KCNH5: variants seen among roughly 807,000 people sequenced by gnomAD.
KCNH5 encodes the protein voltage-gated delayed rectifier potassium channel KCNH5.
KCNH5 carries 46 observed loss-of-function variants against 96.1 expected under a neutral mutation model. The observed-to-expected ratio is 0.48, with a 90% CI of 0.38 to 0.61. The LOEUF (loss-of-function observed/expected upper bound fraction) is 0.61, where lower values mean the gene tolerates loss of function less well. Among genes scored for constraint, KCNH5 ranks in the 20% least tolerant of loss-of-function variants. The pLI, the probability that KCNH5 is intolerant of heterozygous loss-of-function variation, is 0.00. For synonymous variants in KCNH5, 439 were observed against 449.8 expected (o/e 0.98, Z 0.30); for missense variants, 907 against 1,225.8 (o/e 0.74, Z 3.88).
rs748839859 is a variant in KCNH5, at chr14:63,045,227, AG to A, written c.-42del. The A allele has an allele frequency of 8.9e-5, 132 of 1,481,148 alleles. No individual in the cohort carries two copies. The highest frequency in any genetic ancestry group is 1.8e-4 in the Admixed American group (11 of 59,722). The allele number at this position is 1,481,148 out of a possible 1,614,324, so 91.8% of individuals were successfully genotyped here. A position where few individuals can be genotyped will look rare whatever the true frequency, so the allele number is the denominator to read the frequency against. On this transcript the variant is annotated 5_prime_UTR_variant, in exon 1 of 11. Transcript: ENST00000322893. ...CAGCGGCCAGGATCCGCGGCGGGGG[AG>A]GGGGGGATGCAGGCAAAGAAGGTGG...
At chr14:62,877,425 A>G (rs1888397543) in intron 7 of KCNH5, among the ~76,000 whole-genome samples, 1 of 152,172 alleles carries the variant, frequency 6.6e-6, no homozygotes. Context: ...AAATGGGAGA[A>G]AGTTTTCGCA....
chr14:62,922,814 T>C (rs543568750), intron 7 of KCNH5, among the ~76,000 whole-genome samples: 231 of 152,102 alleles, frequency 1.5e-3, no homozygotes, highest in Non-Finnish European at 2.9e-3. Flanking sequence ...AAAGGCTATA[T>C]ATGGCAAGCC....
At chr14:62,796,733 C>T (rs905044616) in intron 9 of KCNH5, among the ~76,000 whole-genome samples, 6 of 152,068 alleles carry the variant, frequency 3.9e-5, no homozygotes, top group African/African-American at 1.4e-4. Flanking sequence ...GACATGTGCC[C>T]AACATGATCG....
At chr14:62,889,166 A>G (rs1888655073) in intron 7 of KCNH5, among the ~76,000 whole-genome samples, 1 of 152,216 alleles carries the variant, frequency 6.6e-6, no homozygotes, top group African/African-American at 2.4e-5. Flanking sequence ...ACCTGATGAC[A>G]AAGGCTACTC....
chr14:62,918,831 C>T (rs763723268), intron 7 of KCNH5, among the ~76,000 whole-genome samples: 2 of 152,034 alleles, frequency 1.3e-5, no homozygotes, highest in Non-Finnish European at 1.5e-5. Context: ...AAATGCGTAA[C>T]CTTTGTGCCA....
At chr14:62,798,505 T>G (rs1886585102) in intron 9 of KCNH5, among the ~76,000 whole-genome samples, 1 of 152,146 alleles carries the variant, frequency 6.6e-6, no homozygotes, top group Non-Finnish European at 1.5e-5. Flanking sequence ...ATATAAAATA[T>G]TATGTATGCA....
chr14:63,045,031 G>T, intron 1 of KCNH5, 83 bp downstream of exon 1: 1 of 1,110,604 alleles, frequency 9.0e-7, no homozygotes, highest in Non-Finnish European at 1.4e-6. Context: ...CTCCCCCCTT[G>T]GGAGAGGGAT....
chr14:62,873,887 G>T (rs1888313736), intron 7 of KCNH5, among the ~76,000 whole-genome samples: 1 of 152,146 alleles, frequency 6.6e-6, no homozygotes, highest in African/African-American at 2.4e-5. Flanking sequence ...ATGCTCCAAG[G>T]ACTGATCTGG....
intron 6 of KCNH5, among the ~76,000 whole-genome samples, chr14:62,968,835 C>T (rs1300156602): frequency 6.6e-6 from 1 of 152,104 alleles, no homozygotes; most frequent in Non-Finnish European, 1.5e-5. Flanking sequence ...AAGCATAATA[C>T]CTAACCATTA....
chr14:62,883,936 A>C (rs924176510), intron 7 of KCNH5, among the ~76,000 whole-genome samples: 1 of 152,158 alleles, frequency 6.6e-6, no homozygotes, highest in African/African-American at 2.4e-5. Context: ...TCTATATCCC[A>C]ACATCTAGGT....
chr14:63,001,223 C>G, intron 4 of KCNH5, 108 bp downstream of exon 4: 1 of 911,542 alleles, frequency 1.1e-6, no homozygotes, highest in African/African-American at 1.7e-5. Context: ...AAAAGAAAGG[C>G]CACATAGTAG....
chr14:62,913,329 G>C (rs1012672702), intron 7 of KCNH5, among the ~76,000 whole-genome samples: 1 of 152,088 alleles, frequency 6.6e-6, no homozygotes, highest in African/African-American at 2.4e-5. Context: ...CCAGGTTCAA[G>C]CAATTCTCCT....
At chr14:62,802,020 C>G (rs1161353969) in intron 9 of KCNH5, among the ~76,000 whole-genome samples, 1 of 152,076 alleles carries the variant, frequency 6.6e-6, no homozygotes, top group African/African-American at 2.4e-5. Context: ...TCAATCATTC[C>G]ACAAGCCATT....
intron 7 of KCNH5, among the ~76,000 whole-genome samples, chr14:62,929,502 C>T (rs753552027): frequency 3.3e-5 from 5 of 152,020 alleles, no homozygotes; most frequent in African/African-American, 7.2e-5. Flanking sequence ...CACCAGGGCC[C>T]TTCATGGTCT....
At chr14:63,020,391 T>C (rs1037178892) in intron 1 of KCNH5, among the ~76,000 whole-genome samples, 2 of 152,020 alleles carry the variant, frequency 1.3e-5, no homozygotes, top group Admixed American at 6.6e-5. Context: ...TAGCCAAAAA[T>C]TGGAAACAAT....
chr14:62,786,377 C>T (rs1223791892), intron 9 of KCNH5, among the ~76,000 whole-genome samples: 1 of 151,922 alleles, frequency 6.6e-6, no homozygotes, highest in Non-Finnish European at 1.5e-5. Context: ...TAATCCATGC[C>T]TTCACTTCTT....
intron 10 of KCNH5, among the ~76,000 whole-genome samples, chr14:62,772,548 A>G (rs1392576161): frequency 6.6e-6 from 1 of 151,094 alleles, no homozygotes; most frequent in African/African-American, 2.4e-5. Context: ...GAGGCAGGAG[A>G]ATTGCTTGAA....
At chr14:62,839,953 C>T (rs971335998) in intron 8 of KCNH5, among the ~76,000 whole-genome samples, 19 of 152,242 alleles carry the variant, frequency 1.2e-4, no homozygotes, top group African/African-American at 4.6e-4. Flanking sequence ...TTTTTAAAAT[C>T]TGACATGGCT....
chr14:62,975,443 G>C (rs191486227), intron 6 of KCNH5, among the ~76,000 whole-genome samples: 1 of 151,796 alleles, frequency 6.6e-6, no homozygotes, highest in Admixed American at 6.6e-5. Context: ...TAAACGTGTG[G>C]ATAAATCTAA....
Sources: allele counts gnomAD v4.1 joint callset (sites outside exome capture counted in the v4.1 genomes callset), GRCh38; gene constraint gnomAD v4.1.1; transcripts MANE v1.5; gene names NCBI Gene and HGNC (gene_info 2026-07-23, HGNC 2026-07-21).